Variants in NR3C2 observed in about 807,000 individuals in gnomAD.
NR3C2 encodes the protein nuclear receptor subfamily 3 group C member 2.
In NR3C2, 15 loss-of-function variants were observed where a neutral mutation model predicts 86.4. That is an observed-to-expected ratio of 0.17 (90% confidence interval 0.12 to 0.27). NR3C2 has a LOEUF of 0.27. Ranked by LOEUF, NR3C2 falls within the 10% of genes least tolerant of loss-of-function variation. NR3C2 has a pLI of 1.00. For synonymous variants in NR3C2, 458 were observed against 450.5 expected (o/e 1.02, Z -0.21); for missense variants, 960 against 1,195.6 (o/e 0.80, Z 2.91).
At chr4:148,343,831 C>T (rs1171829146) in intron 2 of NR3C2, among the ~76,000 whole-genome samples, 1 of 152,066 alleles carries the variant, frequency 6.6e-6, no homozygotes, top group Non-Finnish European at 1.5e-5. Context: ...CTTTTGAGGT[C>T]TGGACATTCA....
At chr4:148,129,274 CAA>C (rs1356949480) in intron 6 of NR3C2, among the ~76,000 whole-genome samples, 2 of 152,146 alleles carry the variant, frequency 1.3e-5, no homozygotes, top group African/African-American at 4.8e-5. Flanking sequence ...CAGAAAAAGA[CAA>C]ATACTGCATG....
chr4:148,169,752 T>A (rs1735040297), intron 4 of NR3C2, among the ~76,000 whole-genome samples: 2 of 152,216 alleles, frequency 1.3e-5, no homozygotes, highest in Admixed American at 1.3e-4. Context: ...CAAACTCTGG[T>A]CAATGGGTGA....
chr4:148,245,491 A>G (rs1739273967), intron 3 of NR3C2, among the ~76,000 whole-genome samples: 1 of 152,210 alleles, frequency 6.6e-6, no homozygotes, highest in South Asian at 2.1e-4. Context: ...AAATTAGAAT[A>G]TTGCTTAACT....
At chr4:148,104,902 G>A (rs1731724610) in intron 8 of NR3C2, among the ~76,000 whole-genome samples, 1 of 152,198 alleles carries the variant, frequency 6.6e-6, no homozygotes, top group African/African-American at 2.4e-5. Context: ...TCATTTCCAT[G>A]GCAGGCTTCT....
At position 148,154,811 on chromosome 4, in the gene NR3C2, T is replaced by C. The variant is rs1734277631; in HGVS notation, c.2105A>G (p.Gln702Arg). 3.1e-6 allele frequency: 1 copy of C among 321,936 alleles called. No homozygotes were observed. The highest frequency in any genetic ancestry group is 5.6e-6 in the Non-Finnish European group (1 of 179,120). 19.9% of individuals were successfully genotyped at this position (321,936 alleles called of 1,614,324 possible). The change falls in exon 5 of 9, where the codon CAA becomes CGA. Residue 702 changes from glutamine (Q) to arginine (R), a missense_variant. Gln to Arg is a conservative substitution (Grantham distance 43). Coordinates refer to ENST00000358102, the MANE Select transcript of NR3C2 (RefSeq NM_000901.5). ...QQPPPPPPPP[Q>R]SPEEGTTYIA... ...GTACGTTGTCCCTTCCTCTGGGCTT[T>C]GCGGGGGTGGGGGTGGGGGTGGGGG...
intron 8 of NR3C2, among the ~76,000 whole-genome samples, chr4:148,083,555 G>T (rs1045476347): frequency 6.6e-6 from 1 of 152,074 alleles, no homozygotes; most frequent in Admixed American, 6.5e-5. Context: ...AAGACCAAAG[G>T]TAGATAAATC....
intron 3 of NR3C2, among the ~76,000 whole-genome samples, chr4:148,247,814 G>T (rs946635203): frequency 2.0e-5 from 3 of 151,690 alleles, no homozygotes; most frequent in African/African-American, 7.3e-5. Context: ...TAGCCCTTTT[G>T]GTCCCTTACC....
In NR3C2 at chr4:148,154,806, G is replaced by C; in HGVS notation, c.2110C>G (p.Pro704Ala). ...GCGATGTACGTTGTCCCTTCCTCTGGGCTTTGCGGGGGTGGGGGTGGGGGT... is the reference window on the plus strand; with the variant it reads ...GCGATGTACGTTGTCCCTTCCTCTGCGCTTTGCGGGGGTGGGGGTGGGGGT... ...PPPPPPPPQSPEEGTTYIAPA... is the reference protein window; with the variant it reads ...PPPPPPPPQSAEEGTTYIAPA... The change falls in exon 5 of 9, where the codon CCA (proline) becomes GCA (alanine). Residue 704 changes from proline (P) to alanine (A), a missense_variant. Around this residue, in one of 4 missense-constraint regions of NR3C2, gnomAD observed 82 missense variants for 73.0 expected, o/e 1.12. Coordinates refer to ENST00000358102, the MANE Select transcript of NR3C2 (RefSeq NM_000901.5). The C allele has an allele frequency of 1.3e-6, 2 of 1,524,260 alleles. No individual in the cohort carries two copies. The highest frequency in any genetic ancestry group is 2.2e-5 in the South Asian group (2 of 89,556). The allele number at this position is 1,524,260 out of a possible 1,614,324, so 94.4% of individuals were successfully genotyped here.
chr4:148,120,104 T>A, intron 7 of NR3C2, 54 bp downstream of exon 7: 1 of 1,610,792 alleles, frequency 6.2e-7, no homozygotes, highest in South Asian at 1.1e-5. Context: ...TACTGCCCTA[T>A]GGGGAAGATG....
At chr4:148,415,219 T>G (rs1748933151) in intron 2 of NR3C2, among the ~76,000 whole-genome samples, 2 of 152,070 alleles carry the variant, frequency 1.3e-5, no homozygotes. Context: ...CCTAAGAACC[T>G]GAAAGAACCA....
At chr4:148,361,704 A>G (rs1189940603) in intron 2 of NR3C2, among the ~76,000 whole-genome samples, 1 of 152,180 alleles carries the variant, frequency 6.6e-6, no homozygotes, top group African/African-American at 2.4e-5. Flanking sequence ...CACAGCCTTC[A>G]GGGTCCTCCC....
At chr4:148,240,443 C>T (rs548269649) in intron 3 of NR3C2, among the ~76,000 whole-genome samples, 6 of 151,980 alleles carry the variant, frequency 3.9e-5, no homozygotes, top group South Asian at 4.2e-4. Context: ...ACATTCCACC[C>T]GCCTTATATC....
intron 2 of NR3C2, among the ~76,000 whole-genome samples, chr4:148,390,284 TTA>T (rs1344244910): frequency 2.6e-5 from 4 of 151,770 alleles, no homozygotes; most frequent in African/African-American, 9.7e-5. Flanking sequence ...ATGTTGACAA[TTA>T]TATCTGAGAG....
chr4:148,091,561 A>C (rs916401263), intron 8 of NR3C2, among the ~76,000 whole-genome samples: 2 of 152,226 alleles, frequency 1.3e-5, no homozygotes, highest in Non-Finnish European at 2.9e-5. Context: ...CAGCATGGAT[A>C]CTGACCAGCC....
chr4:148,231,922 C>A (rs79646239), intron 3 of NR3C2, among the ~76,000 whole-genome samples: 3,415 of 152,250 alleles, frequency 0.022, 111 homozygotes, highest in African/African-American at 0.069. Context: ...AAAAGCATTT[C>A]CTCATTAATT....
At chr4:148,304,402 C>A (rs943125824) in intron 2 of NR3C2, among the ~76,000 whole-genome samples, 5 of 140,846 alleles carry the variant, frequency 3.5e-5, no homozygotes, top group Non-Finnish European at 7.5e-5. Flanking sequence ...TGGTAAAAGG[C>A]CTCGGGATTT....
At chr4:148,311,862 A>T (rs1461777504) in intron 2 of NR3C2, among the ~76,000 whole-genome samples, 1 of 152,208 alleles carries the variant, frequency 6.6e-6, no homozygotes, top group Admixed American at 6.5e-5. Context: ...TGCATCTGCT[A>T]TTCACTCTGC....
At chr4:148,319,126 A>C in intron 2 of NR3C2, among the ~76,000 whole-genome samples, 1 of 151,530 alleles carries the variant, frequency 6.6e-6, no homozygotes, top group Non-Finnish European at 1.5e-5. Flanking sequence ...CCATTTATTA[A>C]ATAGGGAGTC....
chr4:148,269,698 T>G (rs1740577948), intron 2 of NR3C2, among the ~76,000 whole-genome samples: 1 of 152,164 alleles, frequency 6.6e-6, no homozygotes, highest in Non-Finnish European at 1.5e-5. Flanking sequence ...TGAGCACAAT[T>G]TATTTGCCTC....
Sources: gnomAD v4.1 joint callset for allele counts (sites outside exome capture counted in the v4.1 genomes callset) on GRCh38, gnomAD v4.1.1 for gene constraint, gnomAD v4.1.1 regional missense constraint, MANE v1.5 for transcripts, NCBI Gene and HGNC (gene_info 2026-07-23, HGNC 2026-07-21) for gene names.